Variants in SOX5 observed in about 807,000 individuals in gnomAD.
SOX5 encodes the protein SRY-box transcription factor 5.
SOX5 carries 9 observed loss-of-function variants against 92.0 expected under a neutral mutation model. That is an observed-to-expected ratio of 0.10 (90% CI 0.06 to 0.17). The LOEUF is 0.17. Ranked by LOEUF, SOX5 falls within the 10% of genes least tolerant of loss-of-function variation. SOX5 has a pLI of 1.00. For synonymous variants in SOX5, 344 were observed against 336.3 expected, an observed-to-expected ratio of 1.02 and a Z score of -0.25; for missense variants, 642 against 944.5, an observed-to-expected ratio of 0.68 and a Z score of 4.20.
chr12:24,121,344 G>T (rs1361090198), intron 4 of SOX5, among the ~76,000 whole-genome samples: 5 of 152,088 alleles, frequency 3.3e-5, no homozygotes, highest in Non-Finnish European at 7.4e-5. Context: ...ATGCTAATTT[G>T]TTATCACATG....
At chr12:23,612,154 AG>A (rs2076046082) in intron 8 of SOX5, among the ~76,000 whole-genome samples, 1 of 152,056 alleles carries the variant, frequency 6.6e-6, no homozygotes, top group African/African-American at 2.4e-5. Context: ...ATCAAACACC[AG>A]TATATAAAAC....
upstream of SOX5, among the ~76,000 whole-genome samples, chr12:23,954,306 A>T (rs1188210637): frequency 6.6e-6 from 1 of 152,030 alleles, no homozygotes; most frequent in Non-Finnish European, 1.5e-5. Flanking sequence ...TATAATCACA[A>T]TGTATTTAAA....
chr12:23,961,140 A>AT (rs1946885016), intron 4 of SOX5, among the ~76,000 whole-genome samples: 1 of 152,162 alleles, frequency 6.6e-6, no homozygotes, highest in Admixed American at 6.5e-5. Context: ...TTAAAAAATT[A>AT]TTTCACCTGT....
At chr12:24,467,673 A>G (rs1944372784) in intron 1 of SOX5, among the ~76,000 whole-genome samples, 1 of 152,186 alleles carries the variant, frequency 6.6e-6, no homozygotes. Flanking sequence ...TTTCCCGGAT[A>G]TGATGGAGAG....
At chr12:23,635,653 C>T (rs532487499) in intron 8 of SOX5, among the ~76,000 whole-genome samples, 5 of 151,806 alleles carry the variant, frequency 3.3e-5, no homozygotes, top group African/African-American at 9.7e-5. Flanking sequence ...GCACATGTAC[C>T]CTAGAACTTA....
intron 9 of SOX5, among the ~76,000 whole-genome samples, chr12:23,577,425 C>T (rs1156660722): frequency 2.6e-5 from 4 of 151,694 alleles, no homozygotes; most frequent in Non-Finnish European, 5.9e-5. Flanking sequence ...TCTTGAACTC[C>T]TGACCTCAAG....
intron 10 of SOX5, among the ~76,000 whole-genome samples, chr12:23,570,825 G>A (rs1191882761): frequency 6.7e-6 from 1 of 148,246 alleles, no homozygotes; most frequent in African/African-American, 2.5e-5. Flanking sequence ...ACAGGGGAAT[G>A]GCGTGAACCC....
chr12:24,260,383 G>T (rs1440392632), intron 3 of SOX5, among the ~76,000 whole-genome samples: 1 of 152,194 alleles, frequency 6.6e-6, no homozygotes, highest in Non-Finnish European at 1.5e-5. Context: ...TCATAGGATT[G>T]TTACGATGAC....
At chr12:24,365,796 TTA>T (rs1203754453) in intron 2 of SOX5, among the ~76,000 whole-genome samples, 4 of 151,820 alleles carry the variant, frequency 2.6e-5, no homozygotes, top group Admixed American at 1.3e-4. Flanking sequence ...ATATGTCTTT[TTA>T]TGTTGCCAGT....
intron 1 of SOX5, among the ~76,000 whole-genome samples, chr12:24,529,741 T>C (rs902278720): frequency 5.3e-5 from 8 of 152,170 alleles, no homozygotes; most frequent in African/African-American, 1.9e-4. Flanking sequence ...CATACAAGGC[T>C]GGGCGCGGTG....
At chr12:24,376,047 G>A (rs781245997) in intron 1 of SOX5, among the ~76,000 whole-genome samples, 3 of 152,036 alleles carry the variant, frequency 2.0e-5, no homozygotes, top group African/African-American at 4.8e-5. Flanking sequence ...CCACTTCTAC[G>A]CACTGCCAGC....
intron 1 of SOX5, among the ~76,000 whole-genome samples, chr12:23,947,732 A>G (rs943468575): frequency 6.6e-6 from 1 of 151,902 alleles, no homozygotes; most frequent in African/African-American, 2.4e-5. Context: ...CACCAGGAGG[A>G]AAAAAGATGT....
At chr12:24,382,448 G>A (rs923330308) in intron 1 of SOX5, among the ~76,000 whole-genome samples, 2 of 151,882 alleles carry the variant, frequency 1.3e-5, no homozygotes, top group African/African-American at 2.4e-5. Flanking sequence ...GGGGTATGGA[G>A]GAAAATGGCG....
chr12:24,410,739 TA>T (rs1383242648), intron 1 of SOX5, among the ~76,000 whole-genome samples: 1 of 152,242 alleles, frequency 6.6e-6, no homozygotes, highest in Non-Finnish European at 1.5e-5. Flanking sequence ...TGGAACTGGG[TA>T]GATTATTCCC....
In SOX5 at chr12:24,328,160, T is replaced by C. The variant is rs376814434; in HGVS notation, c.-174+40403A>G. Among the ~76,000 whole-genome samples, 6 of 152,202 alleles carry C rather than the reference T, an allele frequency of 3.9e-5. No individual in the cohort carries two copies. In the East Asian group the frequency reaches 5.8e-4, roughly 15 times the overall value. On this transcript the variant is annotated intron_variant, in intron 2 of 4. Transcript: ENST00000446891. ...GGTGCCATTTAGACTATATTATTTG[T>C]TAGCTGGCCAATCTAAACTATTCAA... is the stretch of plus-strand genomic sequence containing the variant.
intron 4 of SOX5, among the ~76,000 whole-genome samples, chr12:24,100,479 A>G (rs867459521): frequency 5.3e-5 from 8 of 152,218 alleles, no homozygotes; most frequent in Middle Eastern, 3.4e-3. Flanking sequence ...TTCCTCCTAC[A>G]TCACTGTTTC....
chr12:24,095,126 C>CAGAGAGAG (rs1469520600), intron 4 of SOX5, among the ~76,000 whole-genome samples: 7 of 90,142 alleles, frequency 7.8e-5, no homozygotes, highest in Non-Finnish European at 1.4e-4. Flanking sequence ...CACACACACA[C>CAGAGAGAG]ACAGAGAGAG....
chr12:24,537,327 C>G (rs995555475), intron 1 of SOX5, among the ~76,000 whole-genome samples: 9 of 152,292 alleles, frequency 5.9e-5, no homozygotes, highest in African/African-American at 2.2e-4. Context: ...TCATAGCTGC[C>G]TAGAGTTTTT....
intron 4 of SOX5, among the ~76,000 whole-genome samples, chr12:24,037,377 T>G (rs941272460): frequency 2.0e-5 from 3 of 152,156 alleles, no homozygotes; most frequent in Non-Finnish European, 4.4e-5. Flanking sequence ...TAACTCCCAT[T>G]AAAAGACAGT....
Sources: allele counts gnomAD v4.1 joint callset (sites outside exome capture counted in the v4.1 genomes callset), GRCh38; gene constraint gnomAD v4.1.1; transcripts MANE v1.5; gene names NCBI Gene and HGNC (gene_info 2026-07-23, HGNC 2026-07-21).